SPNS2: variants seen among roughly 807,000 people sequenced by gnomAD.
SPNS2 encodes SPNS lysolipid transporter 2, sphingosine-1-phosphate, also known as sphingosine-1-phosphate transporter SPNS2.
SPNS2 carries 37 observed loss-of-function variants against 57.6 expected under a neutral mutation model. That is an observed-to-expected ratio of 0.64 (90% confidence interval 0.49 to 0.85). SPNS2 has a LOEUF of 0.85. Ranked by LOEUF, SPNS2 falls within the 40% of genes least tolerant of loss-of-function variation. SPNS2 has a pLI of 0.00. For synonymous variants in SPNS2, 440 were observed against 346.9 expected, an observed-to-expected ratio of 1.27 and a Z score of -2.98; for missense variants, 831 against 779.1, an observed-to-expected ratio of 1.07 and a Z score of -0.79.
intron 8 of SPNS2, 25 bp downstream of exon 8, chr17:4,533,457 G>A (rs1905597622): frequency 1.3e-6 from 2 of 1,565,042 alleles, no homozygotes; most frequent in Non-Finnish European, 1.7e-6. Flanking sequence ...GGTCAAGGGT[G>A]CTGGGGGAGC....
In SPNS2 at chr17:4,538,796, G is replaced by C. The variant is rs567675291; in HGVS notation, c.*1348G>C. On this transcript the variant is annotated 3_prime_UTR_variant, in exon 13 of 13. Coordinates refer to ENST00000329078, the MANE Select transcript of SPNS2 (RefSeq NM_001124758.3). ...CTGGGGTACCCCGAGGGCCTGACAA[G>C]AGGATGGGGTGGGGGTGGCATCCTC... The C allele has an allele frequency of 1.3e-6, 1 of 756,052 alleles. No homozygotes were observed. Among genetic ancestry groups the C allele is most frequent in the Non-Finnish European group, 2.4e-6 (1 of 411,102 alleles). 46.8% of individuals were successfully genotyped at this position (756,052 alleles called of 1,614,324 possible).
intron 1 of SPNS2, among the ~76,000 whole-genome samples, chr17:4,505,098 C>T (rs1904638329): frequency 6.6e-6 from 1 of 152,192 alleles, no homozygotes; most frequent in Non-Finnish European, 1.5e-5. Context: ...GAACCAAGTG[C>T]CTAACTCCCG....
intron 9 of SPNS2, among the ~76,000 whole-genome samples, chr17:4,535,812 G>A (rs1158902848): frequency 2.0e-5 from 3 of 152,068 alleles, no homozygotes; most frequent in Non-Finnish European, 4.4e-5. Context: ...AGCCCCTGGG[G>A]TGAGGGTGAC....
At chr17:4,518,144 G>A (rs1567590527) in intron 2 of SPNS2, among the ~76,000 whole-genome samples, 1 of 152,200 alleles carries the variant, frequency 6.6e-6, no homozygotes, top group Non-Finnish European at 1.5e-5. Context: ...AGTGTGAAAG[G>A]CTTGAAGGCC....
At chr17:4,508,803 A>G (rs1302947181) in intron 1 of SPNS2, among the ~76,000 whole-genome samples, 1 of 152,268 alleles carries the variant, frequency 6.6e-6, no homozygotes, top group African/African-American at 2.4e-5. Context: ...GGTCTGGGCC[A>G]GTGGATCTTA....
At chr17:4,534,923 G>A (rs547532019) in intron 9 of SPNS2, among the ~76,000 whole-genome samples, 1 of 152,294 alleles carries the variant, frequency 6.6e-6, no homozygotes, top group African/African-American at 2.4e-5. Context: ...GGGTCCCGGG[G>A]AAATCGCGTC....
In SPNS2 at chr17:4,536,429, G is replaced by A. The variant is rs1905809549; in HGVS notation, c.1607+3G>A. On this transcript the variant is annotated splice_donor_region_variant and intron_variant, in intron 11 of 12. Transcript: ENST00000329078. Reference sequence around the variant, plus strand: ...GACCGCGCCAGGGCTGAGCAGCAGTGAGTGGGGGGGAGGGGAGGCCCTGCT... The same window carrying A: ...GACCGCGCCAGGGCTGAGCAGCAGTAAGTGGGGGGGAGGGGAGGCCCTGCT... 6.4e-7 allele frequency: 1 copy of A among 1,553,050 alleles called. No homozygotes were observed. Among genetic ancestry groups the A allele is most frequent in the Admixed American group, 1.8e-5 (1 of 55,956 alleles).
At chr17:4,523,501 C>T (rs528430245) in intron 2 of SPNS2, among the ~76,000 whole-genome samples, 6 of 151,918 alleles carry the variant, frequency 3.9e-5, no homozygotes, top group Non-Finnish European at 8.8e-5. Flanking sequence ...GGCACGGTGG[C>T]TCACGCCTGT....
intron 8 of SPNS2, 92 bp downstream of exon 8, chr17:4,533,524 T>C (rs1905601281): frequency 7.4e-7 from 1 of 1,349,700 alleles, no homozygotes; most frequent in Non-Finnish European, 1.0e-6. Flanking sequence ...TTACTGGATG[T>C]TCCCTTCCCT....
intron 2 of SPNS2, among the ~76,000 whole-genome samples, chr17:4,517,478 G>T (rs60290130): frequency 0.036 from 5,494 of 152,258 alleles, 321 homozygotes; most frequent in African/African-American, 0.13. Context: ...AACCAACATG[G>T]TGAACCCCAT....
At chr17:4,517,048 G>C (rs1291271873) in intron 2 of SPNS2, among the ~76,000 whole-genome samples, 1 of 152,198 alleles carries the variant, frequency 6.6e-6, no homozygotes. Context: ...CCGGGCCTGG[G>C]GTTTCTTCGT....
chr17:4,531,416 C>G (rs1382843134), intron 5 of SPNS2, among the ~76,000 whole-genome samples: 1 of 152,154 alleles, frequency 6.6e-6, no homozygotes, highest in Non-Finnish European at 1.5e-5. Context: ...TCTCCCACCA[C>G]GTCAGGAAAT....
intron 3 of SPNS2, among the ~76,000 whole-genome samples, chr17:4,525,546 G>A (rs1315547112): frequency 1.3e-5 from 2 of 152,186 alleles, no homozygotes; most frequent in Non-Finnish European, 2.9e-5. Context: ...GTGTGACCCT[G>A]GGGGAGTCAC....
chr17:4,530,211 G>GC (rs538885822), intron 3 of SPNS2, among the ~76,000 whole-genome samples: 5 of 152,280 alleles, frequency 3.3e-5, no homozygotes, highest in African/African-American at 1.2e-4. Flanking sequence ...GGTTGGCCTA[G>GC]CCACCCGGCT....
At chr17:4,533,900 C>A in intron 9 of SPNS2, 47 bp downstream of exon 9, 1 of 1,311,248 alleles carries the variant, frequency 7.6e-7, no homozygotes, top group Non-Finnish European at 1.1e-6. Flanking sequence ...ACCCAGGCCT[C>A]TTGACCTCAC....
chr17:4,514,954 G>T (rs1218806053), intron 2 of SPNS2, among the ~76,000 whole-genome samples: 1 of 152,290 alleles, frequency 6.6e-6, no homozygotes, highest in East Asian at 1.9e-4. Flanking sequence ...TCCTGGTCCC[G>T]GCCTCACTGC....
intron 2 of SPNS2, among the ~76,000 whole-genome samples, chr17:4,515,418 T>TG (rs1904959610): frequency 2.0e-5 from 3 of 151,998 alleles, no homozygotes; most frequent in South Asian, 4.2e-4. Flanking sequence ...GCCCATAGGC[T>TG]GGGGGGGAGC....
intron 1 of SPNS2, among the ~76,000 whole-genome samples, chr17:4,504,101 T>C (rs546313715): frequency 6.6e-6 from 1 of 152,092 alleles, no homozygotes; most frequent in Non-Finnish European, 1.5e-5. Flanking sequence ...AGGCCCTGTC[T>C]TGTGGCTCTG....
At chr17:4,505,823 C>T (rs1000543657) in intron 1 of SPNS2, among the ~76,000 whole-genome samples, 2 of 152,160 alleles carry the variant, frequency 1.3e-5, no homozygotes, top group African/African-American at 4.8e-5. Context: ...TGTCCTCCTG[C>T]CTCCCGCTTT....
Sources: allele counts gnomAD v4.1 joint callset (sites outside exome capture counted in the v4.1 genomes callset), GRCh38; gene constraint gnomAD v4.1.1; transcripts MANE v1.5; gene names NCBI Gene and HGNC (gene_info 2026-07-23, HGNC 2026-07-21).